Variants in AFTPH observed in about 807,000 individuals in gnomAD.
AFTPH encodes the protein aftiphilin, also known as aftiphilin protein.
In AFTPH, 7 loss-of-function variants were observed where a neutral mutation model predicts 72.5. That is an observed-to-expected ratio of 0.10 (90% CI 0.05 to 0.18). The LOEUF (loss-of-function observed/expected upper bound fraction) is 0.18, where lower values mean the gene tolerates loss of function less well. Among genes scored for constraint, AFTPH ranks in the 10% least tolerant of loss-of-function variants. AFTPH has a pLI of 1.00. For missense variants in AFTPH, 979 were observed against 1,060.5 expected, an observed-to-expected ratio of 0.92 and a Z score of 1.07; for synonymous variants, 337 against 370.1, an observed-to-expected ratio of 0.91 and a Z score of 1.03.
chr2:64,525,548 C>G (rs1034446463), intron 1 of AFTPH: 1 of 154,208 alleles, frequency 6.5e-6, no homozygotes, highest in Non-Finnish European at 1.5e-5. Context: ...CTTTGGTTTT[C>G]AACTTTTCCT....
chr2:64,582,351 T>C lies in AFTPH; in HGVS notation c.2455+2805T>C, dbSNP rs1673259017. Among the ~76,000 whole-genome samples the C allele has an allele frequency of 2.6e-5, 4 of 152,198 alleles. 1 individual carries two copies. In the South Asian group the frequency reaches 8.3e-4, roughly 32 times the overall value. ...GTCAGCTCAGAGTGAACCTGGGACC[T>C]AGGATGCCCTTCTTGAGATCTGGTT... On this transcript the variant is annotated intron_variant, in intron 7 of 8. Coordinates refer to ENST00000238856, the Ensembl canonical transcript of AFTPH.
At chr2:64,538,254 C>T (rs1669996541) in intron 1 of AFTPH, among the ~76,000 whole-genome samples, 1 of 152,068 alleles carries the variant, frequency 6.6e-6, no homozygotes, top group Non-Finnish European at 1.5e-5. Context: ...GGGTACCCTG[C>T]AAATAAATGT....
At chr2:64,538,683 G>T (rs566608095) in intron 1 of AFTPH, among the ~76,000 whole-genome samples, 1 of 152,160 alleles carries the variant, frequency 6.6e-6, no homozygotes, top group Admixed American at 6.5e-5. Context: ...ACAAATTAAA[G>T]TAAAATTAAT....
rs1669565867 is a variant in AFTPH, at chr2:64,530,508, G to T, written c.-33+5896G>T. ...GTAGAAAGAAAATGGGTGTGCCCAT[G>T]ATGGCAGGAACCCTTCTGTTTTAAT... On this transcript the variant is annotated intron_variant, in intron 1 of 8. Coordinates refer to ENST00000238856, the Ensembl canonical transcript of AFTPH. Among the ~76,000 whole-genome samples the T allele has an allele frequency of 2.6e-5, 4 of 152,180 alleles. No homozygotes were observed. The South Asian group carries it at 8.3e-4, about 31-fold the overall frequency.
chr2:64,581,786 TAAGTATA>T (rs1673220970), intron 7 of AFTPH, among the ~76,000 whole-genome samples: 1 of 152,236 alleles, frequency 6.6e-6, no homozygotes, highest in Non-Finnish European at 1.5e-5. Context: ...AGTCTAGCAC[TAAGTATA>T]TAGTCCCACA....
At chr2:64,580,066 G>A (rs1258849899) in intron 7 of AFTPH, 1 of 152,632 alleles carries the variant, frequency 6.6e-6, no homozygotes, top group Non-Finnish European at 1.5e-5. Flanking sequence ...CTTTTCTAAA[G>A]CGTGTCTCCA....
At chr2:64,560,860 G>A (rs982830641) in intron 2 of AFTPH, among the ~76,000 whole-genome samples, 12 of 152,190 alleles carry the variant, frequency 7.9e-5, no homozygotes, top group African/African-American at 1.9e-4. Context: ...GTGACAGAGC[G>A]AAACTCCATC....
At chr2:64,582,144 G>A (rs72814024) in intron 7 of AFTPH, among the ~76,000 whole-genome samples, 7,351 of 152,168 alleles carry the variant, frequency 0.048, 243 homozygotes, top group Middle Eastern at 0.11. Context: ...TTGGGGTGCC[G>A]TAGAGATGCC....
intron 1 of AFTPH, among the ~76,000 whole-genome samples, chr2:64,530,918 C>T (rs1421974557): frequency 6.6e-6 from 1 of 151,832 alleles, no homozygotes; most frequent in Admixed American, 6.6e-5. Flanking sequence ...AAAAATTAGC[C>T]AGGCGTGGTG....
At chr2:64,570,727 G>A (rs1206221295) in intron 5 of AFTPH, among the ~76,000 whole-genome samples, 1 of 152,104 alleles carries the variant, frequency 6.6e-6, no homozygotes. Context: ...AGTTTAATTT[G>A]TAGGCACTTT....
intron 7 of AFTPH, chr2:64,580,667 G>A (rs1447613550): frequency 6.6e-6 from 1 of 152,590 alleles, no homozygotes; most frequent in Non-Finnish European, 1.5e-5. Context: ...TCAGGGTAGG[G>A]TAGTTATGAC....
At chr2:64,546,325 G>T (rs1670617872) in intron 1 of AFTPH, among the ~76,000 whole-genome samples, 1 of 152,096 alleles carries the variant, frequency 6.6e-6, no homozygotes, top group South Asian at 2.1e-4. Flanking sequence ...TTATGAGCAT[G>T]TAAAACTAAG....
chr2:64,550,594 TG>T (rs1015284706), intron 1 of AFTPH, among the ~76,000 whole-genome samples: 3 of 152,036 alleles, frequency 2.0e-5, no homozygotes, highest in African/African-American at 4.8e-5. Context: ...GAGTTTTTTT[TG>T]TGTTGATAGA....
chr2:64,525,937 A>G (rs1355334517), intron 1 of AFTPH, among the ~76,000 whole-genome samples: 1 of 152,264 alleles, frequency 6.6e-6, no homozygotes, highest in Non-Finnish European at 1.5e-5. Flanking sequence ...GGCACCTAGC[A>G]GATATTCATT....
At position 64,553,332 on chromosome 2, in the gene AFTPH, A is replaced by G. The variant is rs34934815; in HGVS notation, c.1858A>G (p.Thr620Ala). The change falls in exon 2 of 9, where the codon ACG (threonine) becomes GCG (alanine). Residue 620 changes from threonine (T) to alanine (A), a missense_variant. By Grantham distance (58) the Thr-to-Ala change is moderately conservative (BLOSUM62 0). Around this residue, in one of 3 missense-constraint regions of AFTPH, gnomAD observed 438 missense variants for 530.0 expected, o/e 0.83. Coordinates refer to ENST00000238856, the Ensembl canonical transcript of AFTPH. ...TATTGATACTCCAGGAACCCCCAAA[A>G]CGCACAGTGTACCTTCAGCAACTTC... 3.6e-3 allele frequency: 5,796 copies of G among 1,613,868 alleles called. 13 individuals carry two copies. The highest frequency in any genetic ancestry group is 7.3e-3 in the Middle Eastern group (44 of 6,058).
chr2:64,573,159 T>G (rs1396517950), intron 6 of AFTPH, 91 bp downstream of exon 6: 1 of 956,588 alleles, frequency 1.0e-6, no homozygotes, highest in African/African-American at 1.6e-5. Flanking sequence ...TTATGACTGT[T>G]TTAAAAATAT....
At chr2:64,558,600 G>A (rs941881415) in intron 2 of AFTPH, among the ~76,000 whole-genome samples, 1 of 152,158 alleles carries the variant, frequency 6.6e-6, no homozygotes, top group African/African-American at 2.4e-5. Context: ...CGTTTGCAAA[G>A]CAAAAATGAT....
intron 8 of AFTPH, 101 bp from the exon 10 acceptor site, chr2:64,591,787 C>A: frequency 7.8e-7 from 1 of 1,289,210 alleles, no homozygotes; most frequent in South Asian, 1.3e-5. Context: ...TACTCAAGTC[C>A]CCACAGATTG....
At chr2:64,579,441 A>T in intron 6 of AFTPH, 45 bp from the exon 7 acceptor site, 1 of 1,504,364 alleles carries the variant, frequency 6.6e-7, no homozygotes, top group Non-Finnish European at 9.1e-7. Flanking sequence ...TTACGTTGCT[A>T]CAACCTGTAC....
Sources: allele counts gnomAD v4.1 joint callset (sites outside exome capture counted in the v4.1 genomes callset), GRCh38; gene constraint gnomAD v4.1.1; regional missense constraint gnomAD v4.1.1; transcripts MANE v1.5; gene names NCBI Gene and HGNC (gene_info 2026-07-23, HGNC 2026-07-21).